The following MICU1 variants were observed in gnomAD, a reference collection of about 807,000 sequenced individuals.
The protein encoded by MICU1 is calcium uptake protein 1, mitochondrial.
In MICU1, 45 loss-of-function variants were observed where a neutral mutation model predicts 56.8. That is an observed-to-expected ratio of 0.79 (90% CI 0.62 to 1.02). MICU1 has a LOEUF of 1.02. Ranked by LOEUF, MICU1 falls within the 50% of genes least tolerant of loss-of-function variation. The pLI, the probability that MICU1 is intolerant of heterozygous loss-of-function variation, is 0.00. For synonymous variants in MICU1, 186 were observed against 195.1 expected (o/e 0.95, Z 0.39); for missense variants, 504 against 587.1 (o/e 0.86, Z 1.46).
chr10:72,596,485 C>G (rs527640164), intron 1 of MICU1, among the ~76,000 whole-genome samples: 1 of 152,174 alleles, frequency 6.6e-6, no homozygotes, highest in East Asian at 1.9e-4. Flanking sequence ...TGTGGCTATA[C>G]TTAACACTTC....
intron 1 of MICU1, among the ~76,000 whole-genome samples, chr10:72,595,370 T>A (rs1051738901): frequency 1.4e-5 from 2 of 146,474 alleles, no homozygotes; most frequent in East Asian, 4.0e-4. Flanking sequence ...GAGAATCGCT[T>A]GAACTCAGGA....
intron 8 of MICU1, 61 bp downstream of exon 8, chr10:72,475,039 C>T (rs537832916): frequency 3.5e-6 from 5 of 1,428,442 alleles, no homozygotes; most frequent in Non-Finnish European, 3.8e-6. Context: ...GCCTATAGTA[C>T]AGGCCCTCCT....
At chr10:72,442,778 G>A (rs1287241370) in intron 8 of MICU1, among the ~76,000 whole-genome samples, 5 of 152,050 alleles carry the variant, frequency 3.3e-5, no homozygotes, top group Admixed American at 6.6e-5. Context: ...ATTTTTTTGA[G>A]ACGGAGTCTT....
chr10:72,522,266 G>A (rs904613055), intron 5 of MICU1, among the ~76,000 whole-genome samples: 2 of 152,090 alleles, frequency 1.3e-5, no homozygotes, highest in African/African-American at 2.4e-5. Context: ...AAAGTTCTCT[G>A]ATAGCAAAGT....
intron 1 of MICU1, among the ~76,000 whole-genome samples, chr10:72,571,521 A>T (rs1016122612): frequency 2.0e-5 from 3 of 152,198 alleles, no homozygotes; most frequent in Admixed American, 6.5e-5. Flanking sequence ...AATTTAGAGC[A>T]TATGTAAAAT....
At chr10:72,584,910 A>G (rs980098442) in intron 1 of MICU1, among the ~76,000 whole-genome samples, 2 of 152,166 alleles carry the variant, frequency 1.3e-5, no homozygotes, top group Non-Finnish European at 2.9e-5. Flanking sequence ...AGCTATCAAT[A>G]AGGAAAGTTT....
At chr10:72,544,035 A>G (rs1333892046) in intron 4 of MICU1, among the ~76,000 whole-genome samples, 2 of 152,222 alleles carry the variant, frequency 1.3e-5, no homozygotes, top group Admixed American at 1.3e-4. Flanking sequence ...TGGTAGTTAA[A>G]GATCAACCCC....
chr10:72,536,478 C>T (rs1218530782), intron 4 of MICU1, among the ~76,000 whole-genome samples: 1 of 151,984 alleles, frequency 6.6e-6, no homozygotes, highest in Admixed American at 6.6e-5. Context: ...TCCTGAGTAG[C>T]TGGGACTACA....
chr10:72,540,194 G>T (rs1415062497), intron 4 of MICU1, among the ~76,000 whole-genome samples: 1 of 151,214 alleles, frequency 6.6e-6, no homozygotes. Context: ...TTGAACCCAG[G>T]AGATGGAGGT....
intron 1 of MICU1, among the ~76,000 whole-genome samples, chr10:72,622,918 C>T (rs1459853630): frequency 6.6e-6 from 1 of 152,052 alleles, no homozygotes; most frequent in Non-Finnish European, 1.5e-5. Context: ...CATCTAAAAA[C>T]AATCACCTTC....
At chr10:72,533,239 T>C in intron 5 of MICU1, 1 of 793,582 alleles carries the variant, frequency 1.3e-6, no homozygotes, top group Non-Finnish European at 1.8e-6. Flanking sequence ...CTAAGAATAA[T>C]TTGTTATATT....
In MICU1 at chr10:72,448,121, ATGTGTG is replaced by A. The variant is rs150733309; in HGVS notation, c.934-24756_934-24751del. ...GGCACCATGGAAAAAGTTTATATATATGTGTGTGTGTGTGTGTGTGTGTGTGTGTCT... is the reference window on the plus strand; with the variant it reads ...GGCACCATGGAAAAAGTTTATATATATGTGTGTGTGTGTGTGTGTGTGTCT... On this transcript the variant is annotated intron_variant, in intron 8 of 11. Coordinates refer to ENST00000361114, the MANE Select transcript of MICU1 (RefSeq NM_001195518.2). Among the ~76,000 whole-genome samples the A allele has an allele frequency of 4.3e-3, 528 of 121,802 alleles. 4 individuals are homozygous for A. Among genetic ancestry groups the A allele is most frequent in the African/African-American group, 0.012 (380 of 30,786 alleles). The allele number at this position is 121,802 out of a possible 152,430, so 79.9% of individuals were successfully genotyped here. A position where few individuals can be genotyped will look rare whatever the true frequency, so the allele number is the denominator to read the frequency against.
At chr10:72,369,843 C>T (rs1862269544) in intron 11 of MICU1, among the ~76,000 whole-genome samples, 1 of 151,318 alleles carries the variant, frequency 6.6e-6, no homozygotes, top group African/African-American at 2.4e-5. Context: ...TGAGTAGCTG[C>T]AACTAGAGGC....
intron 6 of MICU1, chr10:72,483,463 C>T (rs1866369230): frequency 1.3e-5 from 2 of 153,250 alleles, no homozygotes; most frequent in Non-Finnish European, 2.9e-5. Context: ...TGCTTCATCC[C>T]AATGCTGCTT....
intron 8 of MICU1, among the ~76,000 whole-genome samples, chr10:72,456,636 CTA>C (rs1283967367): frequency 6.6e-6 from 1 of 152,146 alleles, no homozygotes; most frequent in Non-Finnish European, 1.5e-5. Flanking sequence ...CCCTTAGAAA[CTA>C]TGTGATATAA....
intron 1 of MICU1, among the ~76,000 whole-genome samples, chr10:72,623,288 G>C (rs1384821055): frequency 2.5e-5 from 2 of 81,264 alleles, no homozygotes; most frequent in Non-Finnish European, 4.6e-5. Flanking sequence ...AAGACAGAGC[G>C]AGACTCCGTC....
chr10:72,541,147 T>C (rs934428389), intron 4 of MICU1, among the ~76,000 whole-genome samples: 14 of 152,226 alleles, frequency 9.2e-5, no homozygotes, highest in African/African-American at 3.4e-4. Context: ...TCCTTACTCA[T>C]TCCCGGGCAA....
chr10:72,446,350 G>A (rs1865103496), intron 8 of MICU1, among the ~76,000 whole-genome samples: 1 of 152,068 alleles, frequency 6.6e-6, no homozygotes, highest in Non-Finnish European at 1.5e-5. Context: ...TTGAGATGGA[G>A]TGTCACTCAC....
chr10:72,620,844 C>T (rs1462630050), intron 1 of MICU1, among the ~76,000 whole-genome samples: 3 of 152,218 alleles, frequency 2.0e-5, no homozygotes, highest in African/African-American at 7.2e-5. Context: ...TCCACAGCTA[C>T]CTTTTTTTGC....
Sources: allele counts gnomAD v4.1 joint callset (sites outside exome capture counted in the v4.1 genomes callset), GRCh38; gene constraint gnomAD v4.1.1; transcripts MANE v1.5; gene names NCBI Gene and HGNC (gene_info 2026-07-23, HGNC 2026-07-21).